NRG3: variants seen among roughly 807,000 people sequenced by gnomAD.
The protein encoded by NRG3 is neuregulin 3.
NRG3 carries 31 observed loss-of-function variants against 66.9 expected under a neutral mutation model. The ratio of observed to expected loss-of-function variants is 0.46; its 90% CI spans 0.35 to 0.63. The LOEUF (loss-of-function observed/expected upper bound fraction) is 0.63. NRG3 is among the 20% of genes least tolerant of loss of function. NRG3 has a pLI of 0.00. For synonymous variants in NRG3, 393 were observed against 359.4 expected (o/e 1.09, Z -1.06); for missense variants, 910 against 878.9 (o/e 1.04, Z -0.45).
rs1847230435 is a variant in NRG3 at position 81,930,424 on chromosome 10, A to AAT, written c.823+54261_823+54262insAT. Among the ~76,000 whole-genome samples the AAT allele has an allele frequency of 2.0e-5, 3 of 152,062 alleles. No homozygotes were observed. The South Asian group carries it at 6.2e-4, about 32-fold the overall frequency. ...ACAACTCAGGAGCAGCTGAATGAAG[A>AAT]GACACACAGGGCAGTTTCTGAGAGG... On this transcript the variant is annotated intron_variant, in intron 1 of 8. Transcript: ENST00000372141.
At chr10:82,207,934 A>G (rs1191384775) in intron 1 of NRG3, among the ~76,000 whole-genome samples, 3 of 152,192 alleles carry the variant, frequency 2.0e-5, no homozygotes, top group Admixed American at 2.0e-4. Context: ...GCACACAGCC[A>G]AACCATATTA....
chr10:82,810,404 C>T (rs2061443333), intron 3 of NRG3, among the ~76,000 whole-genome samples: 1 of 152,016 alleles, frequency 6.6e-6, no homozygotes, highest in African/African-American at 2.4e-5. Context: ...AGATGTTGCA[C>T]TAGGTTCATT....
At chr10:82,813,211 CTTTTTTTT>C (rs58875697) in intron 3 of NRG3, among the ~76,000 whole-genome samples, 5 of 112,142 alleles carry the variant, frequency 4.5e-5, no homozygotes, top group Admixed American at 4.2e-4. Flanking sequence ...CTCTGTTTCT[CTTTTTTTT>C]TTTTTTTTTT....
intron 2 of NRG3, among the ~76,000 whole-genome samples, chr10:82,429,283 G>A (rs1440496910): frequency 6.6e-6 from 1 of 151,982 alleles, no homozygotes; most frequent in Non-Finnish European, 1.5e-5. Context: ...ATTTACCTAT[G>A]TACTTTAACT....
chr10:82,066,789 C>G (rs1168997880), intron 1 of NRG3, among the ~76,000 whole-genome samples: 2 of 152,116 alleles, frequency 1.3e-5, no homozygotes, highest in African/African-American at 4.8e-5. Context: ...AAGACACCAG[C>G]TAGTTCACCA....
chr10:82,866,972 C>G (rs1840804361), intron 4 of NRG3, among the ~76,000 whole-genome samples: 1 of 151,736 alleles, frequency 6.6e-6, no homozygotes, highest in South Asian at 2.1e-4. Flanking sequence ...AGGGTTGGGA[C>G]AGAGAGAAAA....
At position 82,641,271 on chromosome 10, in the gene NRG3, AC is replaced by A. The variant is rs1317407527; in HGVS notation, c.954-97305del. 1.1e-4 allele frequency among the ~76,000 whole-genome samples: 16 copies of A among 152,188 alleles called. No individual in the cohort carries two copies. In the East Asian group the frequency reaches 1.2e-3, roughly 11 times the overall value. ...TAAAGTCTTTGTGAATATTTTAGAA[AC>A]TTTTTTGTCAGTTTTCTAAGCTTAT... is the stretch of plus-strand genomic sequence containing the variant. On this transcript the variant is annotated intron_variant, in intron 2 of 8. Transcript: ENST00000372141.
chr10:82,172,922 C>T (rs1424772315), intron 1 of NRG3, among the ~76,000 whole-genome samples: 1 of 152,034 alleles, frequency 6.6e-6, no homozygotes, highest in Non-Finnish European at 1.5e-5. Context: ...AAAATTACCT[C>T]TCTCTCTATT....
At chr10:82,491,477 A>T in intron 2 of NRG3, among the ~76,000 whole-genome samples, 1 of 151,464 alleles carries the variant, frequency 6.6e-6, no homozygotes, top group Non-Finnish European at 1.5e-5. Context: ...AGTGCCTGAG[A>T]CATAATAGGT....
intron 1 of NRG3, among the ~76,000 whole-genome samples, chr10:82,012,777 A>G (rs1487149020): frequency 6.6e-6 from 1 of 152,218 alleles, no homozygotes; most frequent in Non-Finnish European, 1.5e-5. Flanking sequence ...TGTTTGTTAA[A>G]GCATAAAAAG....
At chr10:81,985,224 A>G (rs1015243799) in intron 1 of NRG3, among the ~76,000 whole-genome samples, 1 of 152,206 alleles carries the variant, frequency 6.6e-6, no homozygotes, top group African/African-American at 2.4e-5. Flanking sequence ...CATTAATACA[A>G]CTAGGAAGGG....
At chr10:82,837,358 G>A (rs1245315954) in intron 3 of NRG3, among the ~76,000 whole-genome samples, 2 of 151,976 alleles carry the variant, frequency 1.3e-5, no homozygotes, top group African/African-American at 4.8e-5. Context: ...CAGTCCCATT[G>A]TTATTTTCTT....
At chr10:82,704,010 C>T (rs1403936736) in intron 2 of NRG3, among the ~76,000 whole-genome samples, 3 of 151,982 alleles carry the variant, frequency 2.0e-5, no homozygotes, top group African/African-American at 7.2e-5. Context: ...GCTTACAAAC[C>T]TTCTACCCAC....
chr10:82,547,135 A>G (rs1439038292), intron 2 of NRG3, among the ~76,000 whole-genome samples: 5 of 152,180 alleles, frequency 3.3e-5, no homozygotes, highest in African/African-American at 1.2e-4. Context: ...AAATTATTAT[A>G]TGGAACAATT....
rs79471007 is a variant in NRG3, at chr10:82,883,320, A to G, written c.1054+17883A>G. Reference sequence around the variant, plus strand: ...TTATTATTAATTATACATTTAGAAGAAGCCTCGGAGATCAGCAAGTTGAAC... The same window carrying G: ...TTATTATTAATTATACATTTAGAAGGAGCCTCGGAGATCAGCAAGTTGAAC... On this transcript the variant is annotated intron_variant, in intron 4 of 8. Transcript: ENST00000372141. Among the ~76,000 whole-genome samples the G allele has an allele frequency of 3.3e-5, 5 of 152,166 alleles. No individual in the cohort carries two copies. In the South Asian group the frequency reaches 8.3e-4, roughly 25 times the overall value.
intron 1 of NRG3, among the ~76,000 whole-genome samples, chr10:81,894,566 C>T (rs986065143): frequency 1.3e-5 from 2 of 152,002 alleles, no homozygotes; most frequent in African/African-American, 2.4e-5. Context: ...TTTACGGCCT[C>T]GACATATGAA....
At chr10:82,418,785 G>T (rs61864213) in intron 2 of NRG3, among the ~76,000 whole-genome samples, 6 of 149,444 alleles carry the variant, frequency 4.0e-5, no homozygotes, top group African/African-American at 1.5e-4. Context: ...TTTTTTTTTG[G>T]AGACAGAGTC....
At chr10:81,887,198 T>C (rs1268016234) in intron 1 of NRG3, among the ~76,000 whole-genome samples, 2 of 152,260 alleles carry the variant, frequency 1.3e-5, no homozygotes, top group East Asian at 3.9e-4. Context: ...AATGCAGATG[T>C]GTAGAAGTGC....
At chr10:82,541,723 T>A (rs2043555570) in intron 2 of NRG3, among the ~76,000 whole-genome samples, 1 of 152,166 alleles carries the variant, frequency 6.6e-6, no homozygotes, top group Admixed American at 6.5e-5. Context: ...CTTCTTTCTT[T>A]GGAGGCAGAA....
Sources: gnomAD v4.1 joint callset for allele counts (sites outside exome capture counted in the v4.1 genomes callset) on GRCh38, gnomAD v4.1.1 for gene constraint, MANE v1.5 for transcripts, NCBI Gene and HGNC (gene_info 2026-07-23, HGNC 2026-07-21) for gene names.